Variants in CFAP299 observed in about 807,000 individuals in gnomAD.
CFAP299 encodes the protein cilia and flagella associated protein 299.
A neutral mutation model predicts 27.0 loss-of-function variants in CFAP299; 21 were observed. That is an observed-to-expected ratio of 0.78 (90% CI 0.55 to 1.12). The LOEUF (loss-of-function observed/expected upper bound fraction) is 1.12, where lower values mean the gene tolerates loss of function less well. Ranked by LOEUF, CFAP299 falls within the 50% of genes most tolerant of loss-of-function variation. The pLI, the probability that CFAP299 is intolerant of heterozygous loss-of-function variation, is 0.00. For synonymous variants in CFAP299, 104 were observed against 98.1 expected (o/e 1.06, Z -0.36); for missense variants, 310 against 276.6 (o/e 1.12, Z -0.86).
intron 2 of CFAP299, among the ~76,000 whole-genome samples, chr4:80,511,644 T>G (rs72874080): frequency 0.024 from 3,597 of 152,240 alleles, 133 homozygotes; most frequent in African/African-American, 0.081. Flanking sequence ...TACACACACT[T>G]AAGATGTGCT....
intron 2 of CFAP299, among the ~76,000 whole-genome samples, chr4:80,431,941 G>A (rs570151527): frequency 4.6e-5 from 7 of 152,294 alleles, no homozygotes; most frequent in South Asian, 4.1e-4. Context: ...AGAAGAGTTT[G>A]TTGTTCTCTA....
intron 2 of CFAP299, among the ~76,000 whole-genome samples, chr4:80,537,712 G>A (rs1408645549): frequency 6.6e-6 from 1 of 152,014 alleles, no homozygotes; most frequent in East Asian, 1.9e-4. Context: ...TAGTTAAAAG[G>A]TATGAAGTTT....
At chr4:80,578,487 T>G (rs1465334270) in intron 2 of CFAP299, among the ~76,000 whole-genome samples, 1 of 152,214 alleles carries the variant, frequency 6.6e-6, no homozygotes, top group African/African-American at 2.4e-5. Flanking sequence ...ATAATACTTT[T>G]ATCTTCCTCA....
At chr4:80,377,353 G>A (rs1724469011) in intron 2 of CFAP299, among the ~76,000 whole-genome samples, 1 of 151,978 alleles carries the variant, frequency 6.6e-6, no homozygotes. Flanking sequence ...AACTGTTTCA[G>A]CACTATTTAT....
At chr4:80,643,718 T>C (rs145309502) in intron 3 of CFAP299, among the ~76,000 whole-genome samples, 339 of 152,254 alleles carry the variant, frequency 2.2e-3, no homozygotes, top group Non-Finnish European at 4.0e-3. Context: ...TAGGAACTTA[T>C]AGAGTCTGTT....
chr4:80,761,816 T>C (rs1458197320), intron 3 of CFAP299, among the ~76,000 whole-genome samples: 1 of 152,246 alleles, frequency 6.6e-6, no homozygotes, highest in Non-Finnish European at 1.5e-5. Context: ...AATGGGATTT[T>C]AATATTTGTT....
At chr4:80,924,796 T>G (rs969362485) in intron 4 of CFAP299, among the ~76,000 whole-genome samples, 5 of 151,506 alleles carry the variant, frequency 3.3e-5, no homozygotes, top group Admixed American at 6.6e-5. Flanking sequence ...TTATTATCAA[T>G]TTTAAAAGAC....
In CFAP299 at chr4:80,902,584, T is replaced by TACACAC. The variant is rs1273685186; in HGVS notation, c.476+32450_476+32451insCACACA. Among the ~76,000 whole-genome samples the TACACAC allele has an allele frequency of 6.1e-3, 287 of 47,150 alleles. 2 individuals are homozygous for TACACAC. Among genetic ancestry groups the TACACAC allele is most frequent in the South Asian group, 0.035 (47 of 1,360 alleles). 30.9% of individuals were successfully genotyped at this position (47,150 alleles called of 152,430 possible). ...TTATTTTATCCATATATATGTAATATATACACACACACACACACACACACA... is the reference window on the plus strand; with the variant it reads ...TTATTTTATCCATATATATGTAATATACACACATACACACACACACACACACACACA... On this transcript the variant is annotated intron_variant, in intron 4 of 5. Coordinates refer to ENST00000358105, the MANE Select transcript of CFAP299 (RefSeq NM_152770.3).
chr4:80,583,005 C>T, intron 2 of CFAP299, 88 bp from the exon 3 acceptor site: 1 of 695,746 alleles, frequency 1.4e-6, no homozygotes, highest in Non-Finnish European at 2.3e-6. Context: ...AGGAAATTGT[C>T]ACTTAAAGAA....
At chr4:80,678,013 T>C (rs1436731139) in intron 3 of CFAP299, among the ~76,000 whole-genome samples, 1 of 152,124 alleles carries the variant, frequency 6.6e-6, no homozygotes, top group South Asian at 2.1e-4. Context: ...TTTCAGTAAA[T>C]AGTTACTATT....
At chr4:80,800,542 T>TTATATA (rs1728472541) in intron 3 of CFAP299, among the ~76,000 whole-genome samples, 1 of 39,030 alleles carries the variant, frequency 2.6e-5, no homozygotes, top group Non-Finnish European at 3.8e-5. Flanking sequence ...ATATAATATA[T>TTATATA]AATATATCAA....
chr4:80,641,134 A>G lies in CFAP299; in HGVS notation c.333+57951A>G, dbSNP rs530010333. 2.6e-5 allele frequency among the ~76,000 whole-genome samples: 4 copies of G among 152,320 alleles called. No homozygotes were observed. The South Asian group carries it at 6.2e-4, about 24-fold the overall frequency. On this transcript the variant is annotated intron_variant, in intron 3 of 5. Transcript: ENST00000358105. ...TATGTATATGCAGATACAACATTATATATCTATATTTTAAAAGTCACTTAT... is the reference window on the plus strand; with the variant it reads ...TATGTATATGCAGATACAACATTATGTATCTATATTTTAAAAGTCACTTAT...
intron 3 of CFAP299, among the ~76,000 whole-genome samples, chr4:80,713,849 C>T (rs776436884): frequency 5.3e-5 from 8 of 152,166 alleles, no homozygotes; most frequent in South Asian, 2.1e-4. Context: ...CTAAAAGAAT[C>T]GAAGTAAATG....
intron 2 of CFAP299, among the ~76,000 whole-genome samples, chr4:80,432,349 C>T (rs1183008280): frequency 1.3e-5 from 2 of 151,834 alleles, no homozygotes; most frequent in East Asian, 1.9e-4. Context: ...GACGGGGTTT[C>T]ACCATGTTGA....
At chr4:80,350,760 A>G (rs541887643) in intron 1 of CFAP299, among the ~76,000 whole-genome samples, 1 of 152,080 alleles carries the variant, frequency 6.6e-6, no homozygotes, top group Non-Finnish European at 1.5e-5. Flanking sequence ...ACAGAGGGGA[A>G]TATTACACAC....
At chr4:80,632,021 C>T (rs1739239644) in intron 3 of CFAP299, among the ~76,000 whole-genome samples, 1 of 151,944 alleles carries the variant, frequency 6.6e-6, no homozygotes, top group Non-Finnish European at 1.5e-5. Context: ...AGCTGCTTTG[C>T]CTCTCCCGAC....
chr4:80,434,390 G>A (rs1051490869), intron 2 of CFAP299, among the ~76,000 whole-genome samples: 3 of 152,164 alleles, frequency 2.0e-5, no homozygotes, highest in Non-Finnish European at 4.4e-5. Context: ...GAGGTGATTT[G>A]TGCAGCTTCC....
intron 1 of CFAP299, 124 bp downstream of exon 1, chr4:80,336,003 G>T: frequency 3.0e-6 from 2 of 656,696 alleles, no homozygotes; most frequent in East Asian, 2.6e-5. Context: ...CCGCGGTTTC[G>T]GGACCGCGAC....
chr4:80,633,982 CTTTTTTTTTTTT>C (rs1225649545), intron 3 of CFAP299, among the ~76,000 whole-genome samples: 1 of 115,186 alleles, frequency 8.7e-6, no homozygotes, highest in East Asian at 2.6e-4. Flanking sequence ...GAGGAGAAAA[CTTTTTTTTTTTT>C]TTTTTTTTTT....
Sources: gnomAD v4.1 joint callset for allele counts (sites outside exome capture counted in the v4.1 genomes callset) on GRCh38, gnomAD v4.1.1 for gene constraint, MANE v1.5 for transcripts, NCBI Gene and HGNC (gene_info 2026-07-23, HGNC 2026-07-21) for gene names.